The following DCDC2C variants were observed in gnomAD, a reference collection of about 807,000 sequenced individuals.
DCDC2C encodes the protein doublecortin domain containing 2C.
In DCDC2C, 44 loss-of-function variants were observed where a neutral mutation model predicts 45.0. The observed-to-expected ratio is 0.98, with a 90% CI of 0.77 to 1.26. The LOEUF (loss-of-function observed/expected upper bound fraction) is 1.26. Ranked by LOEUF, DCDC2C falls within the 50% of genes most tolerant of loss-of-function variation. The pLI, the probability that DCDC2C is intolerant of heterozygous loss-of-function variation, is 0.00. For synonymous variants in DCDC2C, 187 were observed against 178.8 expected, an observed-to-expected ratio of 1.05 and a Z score of -0.37; for missense variants, 447 against 468.9, an observed-to-expected ratio of 0.95 and a Z score of 0.43.
intron 3 of DCDC2C, among the ~76,000 whole-genome samples, chr2:3,728,099 G>C (rs997530112): frequency 1.3e-5 from 2 of 152,186 alleles, no homozygotes; most frequent in African/African-American, 4.8e-5. Flanking sequence ...GTGTGAGCCA[G>C]AGTCACCTCT....
chr2:3,731,268 T>G (rs357948), intron 3 of DCDC2C, among the ~76,000 whole-genome samples: 127,795 of 152,116 alleles, frequency 0.84, 53,867 homozygotes, highest in South Asian at 0.93. Flanking sequence ...TCCCATCCAC[T>G]AATGCTTGGT....
chr2:3,717,641 CACAT>C (rs1462809714), intron 2 of DCDC2C, among the ~76,000 whole-genome samples: 1 of 152,292 alleles, frequency 6.6e-6, no homozygotes, highest in South Asian at 2.1e-4. Flanking sequence ...TTCCCTTGTT[CACAT>C]ACATTAAGTC....
At chr2:3,727,928 C>T (rs1668743081) in intron 3 of DCDC2C, among the ~76,000 whole-genome samples, 1 of 152,202 alleles carries the variant, frequency 6.6e-6, no homozygotes, top group African/African-American at 2.4e-5. Flanking sequence ...CTCTGAATGG[C>T]AGCTCTTCCC....
chr2:3,703,696 G>A lies in DCDC2C; in HGVS notation c.-56G>A. Reference sequence around the variant, plus strand: ...GCCTGGGCGCGGCTCTGCAGGCGTCGCTGCCCGCGCTGCCGCAGCCTCTCG... The same window carrying A: ...GCCTGGGCGCGGCTCTGCAGGCGTCACTGCCCGCGCTGCCGCAGCCTCTCG... On this transcript the variant is annotated 5_prime_UTR_variant, in exon 1 of 11. Transcript: ENST00000399143. The surrounding 1 kb of genome is among the most constrained non-coding windows in gnomAD (Gnocchi z 4.4). 8.2e-7 allele frequency: 1 copy of A among 1,221,344 alleles called. No homozygotes were observed. The highest frequency in any genetic ancestry group is 1.0e-6 in the Non-Finnish European group (1 of 981,008). 75.7% of individuals were successfully genotyped at this position (1,221,344 alleles called of 1,614,324 possible).
chr2:3,820,623 G>T (rs1452834600), intron 10 of DCDC2C, among the ~76,000 whole-genome samples: 1 of 152,168 alleles, frequency 6.6e-6, no homozygotes, highest in Non-Finnish European at 1.5e-5. Flanking sequence ...TCCGTGACCG[G>T]TGCCGGAGTT....
intron 10 of DCDC2C, among the ~76,000 whole-genome samples, chr2:3,837,608 G>T: frequency 8.7e-6 from 1 of 115,124 alleles, no homozygotes; most frequent in Non-Finnish European, 2.0e-5. Context: ...CATCTAAAGG[G>T]GAAGAAACTG....
chr2:3,833,794 G>A (rs988235434), intron 10 of DCDC2C, among the ~76,000 whole-genome samples: 2 of 152,198 alleles, frequency 1.3e-5, no homozygotes, highest in African/African-American at 4.8e-5. Context: ...AAGAAACATA[G>A]TAAGTTGCAG....
intron 5 of DCDC2C, 94 bp downstream of exon 5, chr2:3,752,994 G>T (rs1669586333): frequency 1.5e-6 from 2 of 1,344,342 alleles, no homozygotes; most frequent in Admixed American, 5.4e-5. Flanking sequence ...TCAGCTATTG[G>T]TTATTTTTCA....
intron 10 of DCDC2C, among the ~76,000 whole-genome samples, chr2:3,828,798 A>T (rs1461066977): frequency 6.6e-6 from 1 of 152,224 alleles, no homozygotes; most frequent in African/African-American, 2.4e-5. Flanking sequence ...GAAACATTGC[A>T]GTGCCTTCTG....
chr2:3,771,416 C>G (rs551530683), intron 8 of DCDC2C, among the ~76,000 whole-genome samples: 1 of 152,238 alleles, frequency 6.6e-6, no homozygotes, highest in East Asian at 1.9e-4. Context: ...TTGCCCAAAC[C>G]GCGTTCTGCA....
intron 10 of DCDC2C, among the ~76,000 whole-genome samples, chr2:3,824,069 T>C (rs1288770248): frequency 6.6e-6 from 1 of 152,266 alleles, no homozygotes; most frequent in East Asian, 1.9e-4. Context: ...GTCCATGGAC[T>C]GTAGCTTGCT....
intron 6 of DCDC2C, among the ~76,000 whole-genome samples, chr2:3,755,507 A>G (rs549242782): frequency 6.6e-6 from 1 of 151,746 alleles, no homozygotes; most frequent in Admixed American, 6.5e-5. Flanking sequence ...ACACGTGTGT[A>G]TGAATGCACA....
At chr2:3,710,567 C>G (rs113191885) in intron 2 of DCDC2C, among the ~76,000 whole-genome samples, 2 of 152,146 alleles carry the variant, frequency 1.3e-5, no homozygotes, top group African/African-American at 2.4e-5. Flanking sequence ...ATAATTTATT[C>G]GGTCACCCAG....
intron 3 of DCDC2C, among the ~76,000 whole-genome samples, chr2:3,741,321 G>A (rs112728378): frequency 0.018 from 2,706 of 152,272 alleles, 76 homozygotes; most frequent in African/African-American, 0.062. Flanking sequence ...TTATCTGCCT[G>A]TTTTCCAAAT....
intron 10 of DCDC2C, among the ~76,000 whole-genome samples, chr2:3,833,400 G>T (rs1274163247): frequency 6.6e-6 from 1 of 152,116 alleles, no homozygotes; most frequent in South Asian, 2.1e-4. Flanking sequence ...TCTGTATCTT[G>T]TAGTCACATA....
chr2:3,845,479 T>G (rs1166197977), intron 10 of DCDC2C, among the ~76,000 whole-genome samples: 2 of 152,212 alleles, frequency 1.3e-5, no homozygotes, highest in African/African-American at 4.8e-5. Context: ...ATTAGTGGTA[T>G]ATACAGTGTT....
chr2:3,703,858 C>A lies in DCDC2C; in HGVS notation c.107C>A (p.Ser36Ter). 7.8e-7 allele frequency: 1 copy of A among 1,287,652 alleles called. No individual in the cohort carries two copies. 79.8% of individuals were successfully genotyped at this position (1,287,652 alleles called of 1,614,324 possible). A position where few individuals can be genotyped will look rare whatever the true frequency, so the allele number is the denominator to read the frequency against. The change falls in exon 1 of 11, where the codon TCG (serine) becomes TAG (stop). Residue 36 changes from serine to a stop codon, truncating the protein, a stop_gained. Coordinates refer to ENST00000399143, the MANE Select transcript of DCDC2C (RefSeq NM_001287444.2). LOFTEE classifies it high-confidence loss of function. The surrounding 1 kb of genome is among the most constrained non-coding windows in gnomAD (Gnocchi z 4.4). Reference protein sequence around the residue: ...PFYVGKKFVLSRRRAATFEAL... With the variant: ...PFYVGKKFVL ...TACGTGGGCAAGAAGTTCGTGCTGT[C>A]GCGGCGCCGCGCGGCCACCTTCGAG... is the stretch of plus-strand genomic sequence containing the variant.
chr2:3,816,331 G>C (rs554480851), intron 10 of DCDC2C, among the ~76,000 whole-genome samples: 1 of 152,238 alleles, frequency 6.6e-6, no homozygotes, highest in African/African-American at 2.4e-5. Flanking sequence ...ATAATTGCTT[G>C]GTTGGTGAGT....
intron 10 of DCDC2C, among the ~76,000 whole-genome samples, chr2:3,788,769 T>C (rs573194252): frequency 0.029 from 4,300 of 146,644 alleles, 230 homozygotes; most frequent in African/African-American, 0.11. Context: ...TTTTCTTCCT[T>C]TCTTCCGTTT....
Sources: gnomAD v4.1 joint callset for allele counts (sites outside exome capture counted in the v4.1 genomes callset) on GRCh38, gnomAD v4.1.1 for gene constraint, Gnocchi (gnomAD v3.1) non-coding constraint, MANE v1.5 for transcripts, NCBI Gene and HGNC (gene_info 2026-07-23, HGNC 2026-07-21) for gene names.